DDX10: variants seen among roughly 807,000 people sequenced by gnomAD.
The protein encoded by DDX10 is probable ATP-dependent RNA helicase DDX10.
A neutral mutation model predicts 104.3 loss-of-function variants in DDX10; 74 were observed. That is an observed-to-expected ratio of 0.71 (90% CI 0.59 to 0.86). The LOEUF is 0.86. Ranked by LOEUF, DDX10 falls within the 40% of genes least tolerant of loss-of-function variation. The pLI, the probability that DDX10 is intolerant of heterozygous loss-of-function variation, is 0.00. For missense variants in DDX10, 952 were observed against 1,040.0 expected (o/e 0.92, Z 1.16); for synonymous variants, 351 against 353.4 (o/e 0.99, Z 0.08).
intron 10 of DDX10, 120 bp from the exon 11 acceptor site, chr11:108,715,759 C>G: frequency 4.9e-6 from 3 of 613,664 alleles, no homozygotes; most frequent in Non-Finnish European, 8.8e-6. Flanking sequence ...TAATCTGATT[C>G]ATAGATGAGA....
At chr11:108,803,178 A>T (rs1358700745) in intron 13 of DDX10, among the ~76,000 whole-genome samples, 1 of 152,094 alleles carries the variant, frequency 6.6e-6, no homozygotes, top group Non-Finnish European at 1.5e-5. Flanking sequence ...AATATATCAG[A>T]CTTGATTCAA....
At chr11:108,856,276 A>T (rs1232157349) in intron 16 of DDX10, among the ~76,000 whole-genome samples, 1 of 152,160 alleles carries the variant, frequency 6.6e-6, no homozygotes, top group Admixed American at 6.5e-5. Context: ...CTAAAAATAC[A>T]GAAATTAGCC....
At chr11:108,919,863 C>G (rs1287045795) in intron 17 of DDX10, 1 of 152,100 alleles carries the variant, frequency 6.6e-6, no homozygotes, top group Non-Finnish European at 1.5e-5. Context: ...TTCCATGCTA[C>G]CACCTAGTTA....
intron 16 of DDX10, among the ~76,000 whole-genome samples, chr11:108,879,159 AC>A (rs1863193277): frequency 6.6e-6 from 1 of 151,866 alleles, no homozygotes; most frequent in Admixed American, 6.6e-5. Flanking sequence ...ACGCCACCAC[AC>A]CCGGCTAATT....
At chr11:108,858,419 C>A (rs1164283155) in intron 16 of DDX10, among the ~76,000 whole-genome samples, 1 of 152,180 alleles carries the variant, frequency 6.6e-6, no homozygotes, top group Non-Finnish European at 1.5e-5. Flanking sequence ...CAACTATATT[C>A]ATTCTTAAAG....
intron 13 of DDX10, among the ~76,000 whole-genome samples, chr11:108,827,057 C>CT (rs1862405346): frequency 6.6e-6 from 1 of 152,160 alleles, no homozygotes; most frequent in Non-Finnish European, 1.5e-5. Context: ...AGTTATGTAA[C>CT]TTTGAACAAA....
At chr11:108,936,606 G>A (rs546314440) in intron 17 of DDX10, among the ~76,000 whole-genome samples, 6 of 152,166 alleles carry the variant, frequency 3.9e-5, no homozygotes, top group African/African-American at 1.2e-4. Context: ...CTCTTTTTGT[G>A]TTGGTTTTAT....
intron 13 of DDX10, among the ~76,000 whole-genome samples, chr11:108,771,907 G>A (rs982842324): frequency 1.3e-5 from 2 of 152,158 alleles, no homozygotes; most frequent in Non-Finnish European, 2.9e-5. Flanking sequence ...CTTCTAACAG[G>A]AGGACATCAA....
At chr11:108,733,057 T>G (rs1158712679) in intron 13 of DDX10, among the ~76,000 whole-genome samples, 3 of 152,110 alleles carry the variant, frequency 2.0e-5, no homozygotes, top group Admixed American at 2.0e-4. Context: ...CATAGATTAT[T>G]CATTGTACCT....
intron 16 of DDX10, among the ~76,000 whole-genome samples, chr11:108,887,395 G>T (rs1863312374): frequency 6.6e-6 from 1 of 151,538 alleles, no homozygotes; most frequent in African/African-American, 2.4e-5. Flanking sequence ...TTGTCTGTAT[G>T]TAGAAAATTA....
rs11212794 is a variant in DDX10 at position 108,839,962 on chromosome 11, A to G, written c.2086-1353A>G. Among the ~76,000 whole-genome samples, 270 of 152,296 alleles carry G rather than the reference A, an allele frequency of 1.8e-3. 8 individuals carry two copies. The East Asian group carries it at 0.038, about 21-fold the overall frequency. ...AATGAATGTAAATCCTCAACTATAA[A>G]ATGTTTCAATGTGTACTTAGTGCTA... is the stretch of plus-strand genomic sequence containing the variant. On this transcript the variant is annotated intron_variant, in intron 14 of 17. Transcript: ENST00000322536.
chr11:108,912,482 C>T (rs923147233), intron 16 of DDX10, among the ~76,000 whole-genome samples: 1 of 152,006 alleles, frequency 6.6e-6, no homozygotes, highest in African/African-American at 2.4e-5. Flanking sequence ...AATGTTATAC[C>T]TTCCAACCAC....
chr11:108,683,276 G>A (rs990691970), intron 6 of DDX10, among the ~76,000 whole-genome samples: 2 of 152,116 alleles, frequency 1.3e-5, no homozygotes, highest in African/African-American at 4.8e-5. Flanking sequence ...TTTGACTTAT[G>A]TGTGCTCTGT....
At chr11:108,865,002 A>G (rs1276017450) in intron 16 of DDX10, among the ~76,000 whole-genome samples, 1 of 152,160 alleles carries the variant, frequency 6.6e-6, no homozygotes, top group African/African-American at 2.4e-5. Context: ...CAATGCTGGG[A>G]TATAAGGGCA....
At chr11:108,698,090 C>A (rs1385475406) in intron 9 of DDX10, among the ~76,000 whole-genome samples, 1 of 152,174 alleles carries the variant, frequency 6.6e-6, no homozygotes, top group Non-Finnish European at 1.5e-5. Flanking sequence ...TAGCATTGCA[C>A]ACTCACTGGC....
chr11:108,926,423 G>A (rs1188277213), intron 17 of DDX10, among the ~76,000 whole-genome samples: 1 of 152,184 alleles, frequency 6.6e-6, no homozygotes, highest in South Asian at 2.1e-4. Context: ...GGTATGATGT[G>A]CAGTCTTCTG....
chr11:108,814,492 G>A (rs912040484), intron 13 of DDX10, among the ~76,000 whole-genome samples: 5 of 152,106 alleles, frequency 3.3e-5, no homozygotes, highest in Admixed American at 3.3e-4. Context: ...TGGATGACAA[G>A]CCATCACACC....
At chr11:108,856,584 G>A (rs2134609613) in intron 16 of DDX10, among the ~76,000 whole-genome samples, 1 of 152,046 alleles carries the variant, frequency 6.6e-6, no homozygotes, top group East Asian at 1.9e-4. Context: ...TGACTCAACA[G>A]TAGTTTCATA....
chr11:108,917,750 C>A, intron 16 of DDX10, 123 bp from the exon 17 acceptor site: 1 of 932,856 alleles, frequency 1.1e-6, no homozygotes, highest in Non-Finnish European at 1.6e-6. Context: ...AGGGCCTACA[C>A]CAGAAGAGAA....
Sources: allele counts gnomAD v4.1 joint callset (sites outside exome capture counted in the v4.1 genomes callset), GRCh38; gene constraint gnomAD v4.1.1; transcripts MANE v1.5; gene names NCBI Gene and HGNC (gene_info 2026-07-23, HGNC 2026-07-21).